Variants in LYN observed in about 807,000 individuals in gnomAD.
The protein encoded by LYN is LYN proto-oncogene, Src family tyrosine kinase, also known as tyrosine-protein kinase Lyn.
Under a neutral mutation model 65.0 loss-of-function variants are expected in LYN, and 12 were observed. The ratio of observed to expected loss-of-function variants is 0.18; its 90% CI spans 0.12 to 0.30. LYN has a LOEUF of 0.30. Among genes scored for constraint, LYN ranks in the 10% least tolerant of loss-of-function variants. The pLI is 1.00. For missense variants in LYN, 380 were observed against 623.2 expected (o/e 0.61, Z 4.16); for synonymous variants, 222 against 221.2 (o/e 1.00, Z -0.03).
At chr8:55,946,673 T>G (rs559413253) in intron 3 of LYN, among the ~76,000 whole-genome samples, 180 bp downstream of exon 3, 1 of 152,316 alleles carries the variant, frequency 6.6e-6, no homozygotes, top group Non-Finnish European at 1.5e-5. Flanking sequence ...CACATTGTTG[T>G]ACAACCAATA....
rs577680347 is a variant in LYN, at chr8:55,896,832, G to A, written c.-6+16729G>A. Reference sequence around the variant, plus strand: ...CGGCTCCCCGCAACCTCTGCCTTCCGGGTTCAAGCAATTCTCCCTACCTCA... The same window carrying A: ...CGGCTCCCCGCAACCTCTGCCTTCCAGGTTCAAGCAATTCTCCCTACCTCA... On this transcript the variant is annotated intron_variant, in intron 1 of 12. Transcript: ENST00000519728. Among the ~76,000 whole-genome samples the A allele has an allele frequency of 2.7e-3, 418 of 152,152 alleles. 5 individuals are homozygous for A. The highest frequency in any genetic ancestry group is 4.9e-3 in the Non-Finnish European group (333 of 68,002).
intron 1 of LYN, among the ~76,000 whole-genome samples, chr8:55,910,599 CCTT>C (rs1346081112): frequency 1.3e-5 from 2 of 152,144 alleles, no homozygotes; most frequent in Non-Finnish European, 2.9e-5. Context: ...TAGCTTTGCT[CCTT>C]CTGGACAAGA....
At chr8:56,007,084 TG>T (rs1808695424) in intron 12 of LYN, among the ~76,000 whole-genome samples, 1 of 152,112 alleles carries the variant, frequency 6.6e-6, no homozygotes, top group African/African-American at 2.4e-5. Flanking sequence ...AAATCTGCTG[TG>T]GGGCTAGGGT....
chr8:55,897,129 G>A (rs1025884824), intron 1 of LYN, among the ~76,000 whole-genome samples: 1 of 152,176 alleles, frequency 6.6e-6, no homozygotes, highest in African/African-American at 2.4e-5. Context: ...GCTTTATGCA[G>A]TTTCAACATC....
At chr8:55,967,349 C>A (rs1205833968) in intron 9 of LYN, among the ~76,000 whole-genome samples, 1 of 123,002 alleles carries the variant, frequency 8.1e-6, no homozygotes, top group Admixed American at 1.0e-4. Flanking sequence ...GAGTCTCACA[C>A]TGTTGCCCGG....
chr8:56,003,091 G>A (rs150737107), intron 12 of LYN, among the ~76,000 whole-genome samples: 3,090 of 146,846 alleles, frequency 0.021, 103 homozygotes, highest in African/African-American at 0.073. Flanking sequence ...ACAGAATCTC[G>A]CTCTGTTGCC....
At chr8:55,934,481 G>T (rs1806367274) in intron 1 of LYN, among the ~76,000 whole-genome samples, 1 of 152,174 alleles carries the variant, frequency 6.6e-6, no homozygotes, top group Non-Finnish European at 1.5e-5. Context: ...TCACCGGCCC[G>T]CTAAGATTTG....
chr8:55,909,986 T>C (rs1805551444), intron 1 of LYN, among the ~76,000 whole-genome samples: 1 of 88,990 alleles, frequency 1.1e-5, no homozygotes, highest in Admixed American at 1.2e-4. Context: ...TGTGTGTGTG[T>C]GTGTGTCTTT....
At chr8:55,894,375 A>ACTT (rs1805033404) in intron 1 of LYN, among the ~76,000 whole-genome samples, 2 of 144,912 alleles carry the variant, frequency 1.4e-5, no homozygotes, top group East Asian at 4.1e-4. Context: ...AACTTTCTTA[A>ACTT]TTTTTTTTTT....
At chr8:55,883,682 T>C (rs1804708303) in intron 1 of LYN, among the ~76,000 whole-genome samples, 1 of 152,234 alleles carries the variant, frequency 6.6e-6, no homozygotes, top group African/African-American at 2.4e-5. Context: ...GAGAGCATCA[T>C]TTAAGTGAAA....
Position 55,982,748 on chromosome 8 carries a change from C to T in LYN, c.1050+12955C>T, listed in dbSNP as rs1257911831. The stretch of plus-strand genomic sequence containing the variant: ...TCTCTGTGTCTTGACTTCCTCCCCT[C>T]CAAGACTCTGTCCTCTCCCCTCGAG... On this transcript the variant is annotated intron_variant, in intron 10 of 12. Transcript: ENST00000519728. Among the ~76,000 whole-genome samples, 3 of 152,172 alleles carry T rather than the reference C, an allele frequency of 2.0e-5. No individual in the cohort carries two copies. The East Asian group carries it at 5.8e-4, about 29-fold the overall frequency.
chr8:55,887,353 C>A (rs1160005699), intron 1 of LYN, among the ~76,000 whole-genome samples: 1 of 151,956 alleles, frequency 6.6e-6, no homozygotes, highest in Non-Finnish European at 1.5e-5. Flanking sequence ...ATAAAATATT[C>A]ATATATGGAC....
In LYN at chr8:55,988,373, G is replaced by C. The variant is rs367661290; in HGVS notation, c.1051-9973G>C. ...TTGTTATCATTAAATGGTCTTTTTA[G>C]GTCAGTTTGGGATTGACTCCAGGGG... On this transcript the variant is annotated intron_variant, in intron 10 of 12. Coordinates refer to ENST00000519728, the MANE Select transcript of LYN (RefSeq NM_002350.4). 2.0e-5 allele frequency among the ~76,000 whole-genome samples: 3 copies of C among 147,502 alleles called. No individual in the cohort carries two copies. The East Asian group carries it at 5.9e-4, about 29-fold the overall frequency.
intron 1 of LYN, among the ~76,000 whole-genome samples, chr8:55,891,389 A>G: frequency 6.6e-6 from 1 of 152,150 alleles, no homozygotes; most frequent in East Asian, 1.9e-4. Flanking sequence ...ACATGATACA[A>G]CAAGGACAAA....
intron 6 of LYN, 92 bp downstream of exon 6, chr8:55,950,876 T>C: frequency 1.1e-6 from 1 of 869,700 alleles, no homozygotes. Flanking sequence ...AAAAAGGGCA[T>C]ATAGTATGCT....
At chr8:55,910,212 T>C (rs1232308629) in intron 1 of LYN, among the ~76,000 whole-genome samples, 1 of 152,176 alleles carries the variant, frequency 6.6e-6, no homozygotes, top group Admixed American at 6.6e-5. Context: ...TAGTCATGAA[T>C]TCTTTGCCTA....
intron 10 of LYN, among the ~76,000 whole-genome samples, chr8:55,995,082 C>G (rs1038418658): frequency 6.6e-6 from 1 of 152,140 alleles, no homozygotes; most frequent in Non-Finnish European, 1.5e-5. Context: ...GGGCTCCTCT[C>G]TCCCAGCCGC....
intron 10 of LYN, among the ~76,000 whole-genome samples, chr8:55,971,713 T>G (rs1807613968): frequency 6.6e-6 from 1 of 152,258 alleles, no homozygotes; most frequent in African/African-American, 2.4e-5. Flanking sequence ...CTTGTAAGAC[T>G]TTATCTTGAC....
intron 1 of LYN, among the ~76,000 whole-genome samples, chr8:55,911,984 G>A (rs572975622): frequency 6.6e-6 from 1 of 152,122 alleles, no homozygotes; most frequent in East Asian, 1.9e-4. Flanking sequence ...ATATCGTCGT[G>A]GTGTGTTCTA....
Sources: gnomAD v4.1 joint callset for allele counts (sites outside exome capture counted in the v4.1 genomes callset) on GRCh38, gnomAD v4.1.1 for gene constraint, MANE v1.5 for transcripts, NCBI Gene and HGNC (gene_info 2026-07-23, HGNC 2026-07-21) for gene names.